NCAM1: variants seen among roughly 807,000 people sequenced by gnomAD.
The protein encoded by NCAM1 is neural cell adhesion molecule 1.
In NCAM1, 14 loss-of-function variants were observed where a neutral mutation model predicts 109.8. The ratio of observed to expected loss-of-function variants is 0.13; its 90% confidence interval spans 0.08 to 0.20. NCAM1 has a LOEUF of 0.20. NCAM1 is among the 10% of genes least tolerant of loss of function. The probability of loss-of-function intolerance (pLI) is 1.00; values close to 1 mark genes in which losing one functional copy is unlikely to be tolerated. For missense variants in NCAM1, 774 were observed against 1,109.9 expected (o/e 0.70, Z 4.30); for synonymous variants, 418 against 442.9 (o/e 0.94, Z 0.70).
chr11:113,269,045 G>A (rs1946206740), intron 17 of NCAM1, among the ~76,000 whole-genome samples: 2 of 152,164 alleles, frequency 1.3e-5, no homozygotes, highest in South Asian at 2.1e-4. Flanking sequence ...TATTTCAGTC[G>A]AGGGTGATTG....
At chr11:112,971,690 T>C (rs1950885803) in intron 1 of NCAM1, among the ~76,000 whole-genome samples, 1 of 152,100 alleles carries the variant, frequency 6.6e-6, no homozygotes, top group Non-Finnish European at 1.5e-5. Context: ...TTACAGATCT[T>C]ACTGTCTGTT....
At chr11:113,093,625 C>T (rs191688727) in intron 1 of NCAM1, among the ~76,000 whole-genome samples, 4 of 152,288 alleles carry the variant, frequency 2.6e-5, no homozygotes, top group African/African-American at 7.2e-5. Context: ...AACGCCCCAT[C>T]TCTTTTCTCT....
chr11:113,165,627 C>T (rs1942764859), intron 1 of NCAM1, among the ~76,000 whole-genome samples: 1 of 152,050 alleles, frequency 6.6e-6, no homozygotes, highest in Non-Finnish European at 1.5e-5. Flanking sequence ...AGAATGTTTT[C>T]CTGCACCCTT....
chr11:113,128,636 T>C (rs1028909533), intron 1 of NCAM1, among the ~76,000 whole-genome samples: 5 of 152,318 alleles, frequency 3.3e-5, no homozygotes, highest in Middle Eastern at 3.4e-3. Flanking sequence ...CCTTTAGTCC[T>C]CTTTATTCTT....
At chr11:113,087,179 G>A (rs1939130037) in intron 1 of NCAM1, among the ~76,000 whole-genome samples, 1 of 152,194 alleles carries the variant, frequency 6.6e-6, no homozygotes, top group African/African-American at 2.4e-5. Context: ...TAAATGTATA[G>A]TTGGTAATGC....
At position 113,237,913 on chromosome 11, in the gene NCAM1, TAG is replaced by T. The variant is rs1565521316; in HGVS notation, c.1825+2751_1825+2752del. On this transcript the variant is annotated intron_variant, in intron 14 of 19. Coordinates refer to ENST00000316851, the MANE Select transcript of NCAM1 (RefSeq NM_181351.5). The stretch of plus-strand genomic sequence containing the variant: ...ATAGATATAGATATATAGATATATA[TAG>T]ATATATAGATATAGATATATAGATA... 3.2e-3 allele frequency among the ~76,000 whole-genome samples: 171 copies of T among 53,670 alleles called. 1 individual carries two copies. Among genetic ancestry groups the T allele is most frequent in the Middle Eastern group, 0.015 (1 of 68 alleles). 35.2% of individuals were successfully genotyped at this position (53,670 alleles called of 152,430 possible).
chr11:113,226,710 C>T (rs1457007021), intron 9 of NCAM1, among the ~76,000 whole-genome samples: 2 of 152,172 alleles, frequency 1.3e-5, no homozygotes, highest in Admixed American at 6.5e-5. Flanking sequence ...TGTAAAAGAA[C>T]AGAAATGATA....
chr11:113,131,319 T>C (rs1234318880), intron 1 of NCAM1, among the ~76,000 whole-genome samples: 2 of 152,172 alleles, frequency 1.3e-5, no homozygotes, highest in Non-Finnish European at 2.9e-5. Flanking sequence ...CCCTCTGGGC[T>C]GTGTGAGGGA....
Position 113,202,409 on chromosome 11 carries a change from A to T in NCAM1, c.83A>T (p.Gln28Leu). ...VSLQVDIVPS[Q>L]GEISVGESKF... is the part of the protein sequence containing the mutation. ...CTGCAGGTGGATATTGTTCCCAGCC[A>T]GGGGGAGATCAGCGTTGGAGAGTCC... Residue 28 changes from glutamine (Q) to leucine (L), a missense_variant, in exon 2 of 20, where the codon CAG becomes CTG. Coordinates refer to ENST00000316851, the MANE Select transcript of NCAM1 (RefSeq NM_181351.5). 6.2e-7 allele frequency: 1 copy of T among 1,613,302 alleles called. No homozygotes were observed.
chr11:113,100,068 G>T (rs1555091230), intron 1 of NCAM1, among the ~76,000 whole-genome samples: 1 of 152,114 alleles, frequency 6.6e-6, no homozygotes, highest in Non-Finnish European at 1.5e-5. Flanking sequence ...TTCAACCAGA[G>T]CCTAGCACCC....
At chr11:113,018,412 C>A (rs1555075667) in intron 1 of NCAM1, among the ~76,000 whole-genome samples, 1 of 152,064 alleles carries the variant, frequency 6.6e-6, no homozygotes, top group African/African-American at 2.4e-5. Flanking sequence ...GCAGTATAAC[C>A]TGTTGGGCCA....
intron 14 of NCAM1, chr11:113,242,911 G>T: frequency 6.2e-7 from 1 of 1,612,826 alleles, no homozygotes; most frequent in Non-Finnish European, 8.5e-7. Flanking sequence ...CCGACTTCTA[G>T]ATTACAGCGC....
intron 14 of NCAM1, among the ~76,000 whole-genome samples, chr11:113,241,456 G>A (rs572482649): frequency 4.6e-5 from 7 of 152,246 alleles, no homozygotes; most frequent in East Asian, 1.9e-4. Flanking sequence ...AATAGGATGA[G>A]TAGTCACCCA....
intron 1 of NCAM1, among the ~76,000 whole-genome samples, chr11:113,064,815 A>T (rs1565414503): frequency 6.6e-6 from 1 of 151,766 alleles, no homozygotes; most frequent in African/African-American, 2.4e-5. Context: ...AAAGGTGTTA[A>T]TTTTTTTTTC....
At chr11:113,223,831 C>T (rs1374714835) in intron 9 of NCAM1, among the ~76,000 whole-genome samples, 3 of 152,186 alleles carry the variant, frequency 2.0e-5, no homozygotes, top group Non-Finnish European at 2.9e-5. Flanking sequence ...GAGTGACAAG[C>T]AGGTCAGCAC....
intron 9 of NCAM1, 156 bp from the exon 10 acceptor site, chr11:113,231,489 A>G: frequency 5.5e-6 from 5 of 913,714 alleles, no homozygotes; most frequent in Non-Finnish European, 1.6e-6. Flanking sequence ...ATGGTACCTA[A>G]AGTAAGAAAG....
rs782106783 is a variant in NCAM1, at chr11:113,181,649, G to A, written c.53-20730G>A. On this transcript the variant is annotated intron_variant, in intron 1 of 19. Transcript: ENST00000316851. ...GTTTACCTATGCAACAAACCTGCAC[G>A]TCCTGCACGTGTACCCTGGAACTTA... Among the ~76,000 whole-genome samples, 6 of 152,012 alleles carry A rather than the reference G, an allele frequency of 3.9e-5. No individual in the cohort carries two copies. The South Asian group carries it at 1.0e-3, about 26-fold the overall frequency.
At chr11:113,088,769 C>CTA (rs1555088785) in intron 1 of NCAM1, among the ~76,000 whole-genome samples, 1 of 152,094 alleles carries the variant, frequency 6.6e-6, no homozygotes. Flanking sequence ...ATTAGCATCT[C>CTA]TATATATTAA....
rs1178947589 is a variant in NCAM1 at position 112,961,429 on chromosome 11, C to T, written c.-184C>T. The T allele has an allele frequency of 1.3e-6, 1 of 762,042 alleles. No homozygotes were observed. 47.2% of individuals were successfully genotyped at this position (762,042 alleles called of 1,614,324 possible). Reference sequence around the variant, plus strand: ...TGAGGCTGGGACTGTCACTCATTCTCCGATCAGCGCGTGAACGCAGCTCGG... The same window carrying T: ...TGAGGCTGGGACTGTCACTCATTCTTCGATCAGCGCGTGAACGCAGCTCGG... On this transcript the variant is annotated 5_prime_UTR_variant, in exon 1 of 20. Coordinates refer to ENST00000316851, the MANE Select transcript of NCAM1 (RefSeq NM_181351.5).
Sources: allele counts gnomAD v4.1 joint callset (sites outside exome capture counted in the v4.1 genomes callset), GRCh38; gene constraint gnomAD v4.1.1; transcripts MANE v1.5; gene names NCBI Gene and HGNC (gene_info 2026-07-23, HGNC 2026-07-21).